The following ZNF415 variants were observed in gnomAD, a reference collection of about 807,000 sequenced individuals.
ZNF415 encodes zinc finger protein 415.
In ZNF415, 5 loss-of-function variants were observed where a neutral mutation model predicts 7.3. That is an observed-to-expected ratio of 0.69 (90% CI 0.36 to 1.44). The LOEUF is 1.44. ZNF415 is among the 40% of genes most tolerant of loss of function. ZNF415 has a pLI of 0.04. For synonymous variants in ZNF415, 207 were observed against 226.3 expected (o/e 0.91, Z 0.77); for missense variants, 628 against 664.8 (o/e 0.94, Z 0.61).
chr19:53,116,199 G>T, intron 3 of ZNF415, 114 bp downstream of exon 3: 2 of 1,241,100 alleles, frequency 1.6e-6, no homozygotes, highest in Non-Finnish European at 2.3e-6. Flanking sequence ...TCATTTCAGA[G>T]TCAACAAGGC....
In ZNF415 at chr19:53,116,079, AG is replaced by A. The variant is rs1461240628; in HGVS notation, c.136+233del. 3 of 616,802 alleles carry A rather than the reference AG, an allele frequency of 4.9e-6. No individual in the cohort carries two copies. The African/African-American group carries it at 5.6e-5, about 11-fold the overall frequency. The allele number at this position is 616,802 out of a possible 1,614,324, so 38.2% of individuals were successfully genotyped here. ...GTGAGTATTTCAGAAGTCTACCATAAGCTTTCATGGATACTTCAGCTCTGGA... is the reference window on the plus strand; with the variant it reads ...GTGAGTATTTCAGAAGTCTACCATAACTTTCATGGATACTTCAGCTCTGGA... On this transcript the variant is annotated intron_variant, in intron 3 of 3. Coordinates refer to ENST00000243643, the MANE Select transcript of ZNF415 (RefSeq NM_018355.4).
intron 2 of ZNF415, 169 bp downstream of exon 2, chr19:53,122,493 A>T (rs374160102): frequency 3.7e-5 from 58 of 1,573,038 alleles, no homozygotes; most frequent in Middle Eastern, 1.7e-4. Context: ...TCAGGGTGAG[A>T]CGGAATCTCA....
At chr19:53,126,239 C>T (rs545013526) in intron 1 of ZNF415, among the ~76,000 whole-genome samples, 1 of 151,292 alleles carries the variant, frequency 6.6e-6, no homozygotes, top group African/African-American at 2.4e-5. Flanking sequence ...TCATGGAGAC[C>T]ACTCTGCTTA....
chr19:53,114,464 G>A (rs913262551), intron 3 of ZNF415, among the ~76,000 whole-genome samples: 53 of 152,230 alleles, frequency 3.5e-4, no homozygotes, highest in African/African-American at 1.1e-3. Context: ...CACCGCACCT[G>A]GTCAAAAGTT....
chr19:53,111,579 G>A (rs1029055663), intron 3 of ZNF415, among the ~76,000 whole-genome samples: 13 of 151,952 alleles, frequency 8.6e-5, no homozygotes, highest in African/African-American at 3.1e-4. Context: ...CTGACCTCAG[G>A]TGATCTGCCC....
At chr19:53,128,207 A>G (rs976610460) in intron 1 of ZNF415, among the ~76,000 whole-genome samples, 2 of 152,138 alleles carry the variant, frequency 1.3e-5, no homozygotes, top group Admixed American at 1.3e-4. Context: ...GGACAAAAGC[A>G]GGAATGGACA....
At chr19:53,121,974 C>T (rs1397676167) in intron 2 of ZNF415, among the ~76,000 whole-genome samples, 3 of 151,954 alleles carry the variant, frequency 2.0e-5, no homozygotes, top group Admixed American at 2.0e-4. Context: ...AGGCCAGGCA[C>T]GGTGTCTCAT....
At chr19:53,114,372 T>C (rs1184260831) in intron 3 of ZNF415, among the ~76,000 whole-genome samples, 1 of 152,150 alleles carries the variant, frequency 6.6e-6, no homozygotes, top group African/African-American at 2.4e-5. Context: ...AGACGGGGTT[T>C]CACCATGTTG....
At chr19:53,120,095 G>A (rs1209552568) in intron 2 of ZNF415, among the ~76,000 whole-genome samples, 6 of 151,390 alleles carry the variant, frequency 4.0e-5, no homozygotes, top group Non-Finnish European at 8.8e-5. Context: ...ACTATAGGCC[G>A]AAATCCCTCC....
At chr19:53,116,477 G>A (rs758953289) in intron 2 of ZNF415, 44 bp from the exon 3 acceptor site, 10 of 1,612,616 alleles carry the variant, frequency 6.2e-6, no homozygotes, top group Non-Finnish European at 8.5e-6. Flanking sequence ...AGGTTATGAA[G>A]GGAGTTACCA....
Position 53,109,769 on chromosome 19 carries a change from T to G in ZNF415, c.276A>C (p.Lys92Asn). Residue 92 changes from lysine to asparagine, a missense_variant, in exon 4 of 4, where the codon AAA becomes AAC. Coordinates refer to ENST00000243643, the MANE Select transcript of ZNF415 (RefSeq NM_018355.4). ...EEFCFREIKKKIHDFDCQWRD... is the reference protein window; with the variant it reads ...EEFCFREIKKNIHDFDCQWRD... ...TCCACTGACAGTCAAAGTCGTGTAT[T>G]TTTTTCTTGATTTCCCTGAAGCAAA... The G allele has an allele frequency of 6.2e-7, 1 of 1,614,124 alleles. No individual in the cohort carries two copies. The highest frequency in any genetic ancestry group is 2.2e-5 in the East Asian group (1 of 44,870).
chr19:53,115,953 C>A, intron 3 of ZNF415: 1 of 692,672 alleles, frequency 1.4e-6, no homozygotes, highest in Admixed American at 2.6e-5. Flanking sequence ...AATTATTTCA[C>A]TGAATGCCAA....
intron 3 of ZNF415, among the ~76,000 whole-genome samples, chr19:53,113,623 G>C (rs560244199): frequency 1.1e-4 from 16 of 151,996 alleles, no homozygotes; most frequent in Non-Finnish European, 2.1e-4. Context: ...CTCCACAAGA[G>C]GGAGGTTTGA....
chr19:53,121,384 CAAAA>C (rs773591699), intron 2 of ZNF415, among the ~76,000 whole-genome samples: 18 of 80,096 alleles, frequency 2.2e-4, no homozygotes, highest in East Asian at 2.2e-3. Context: ...GACTCCGTCT[CAAAA>C]AAAAAAAAAA....
intron 2 of ZNF415, among the ~76,000 whole-genome samples, chr19:53,121,932 C>T (rs1490587508): frequency 2.6e-5 from 4 of 151,980 alleles, no homozygotes; most frequent in Admixed American, 2.6e-4. Context: ...CCAGGATTTA[C>T]CAGGTATTTG....
intron 1 of ZNF415, among the ~76,000 whole-genome samples, chr19:53,132,009 T>G (rs1482020699): frequency 6.6e-6 from 1 of 152,038 alleles, no homozygotes; most frequent in Non-Finnish European, 1.5e-5. Flanking sequence ...CTGAGGAGCC[T>G]CCTCCTTTGC....
At position 53,108,594 on chromosome 19, in the gene ZNF415, G is replaced by A. The variant is rs2085726798; in HGVS notation, c.1451C>T (p.Thr484Ile). 2 of 1,614,042 alleles carry A rather than the reference G, an allele frequency of 1.2e-6. No homozygotes were observed. Among genetic ancestry groups the A allele is most frequent in the Non-Finnish European group, 1.7e-6 (2 of 1,180,034 alleles). ...TCCAGTATGGATGACCTGATGGGTA[G>A]TTAGGCTTGAATGCACACTGAAGCC... Reference protein sequence around the residue: ...GKGFSVHSSLTTHQVIHTGEK... With the variant: ...GKGFSVHSSLITHQVIHTGEK... The change falls in exon 4 of 4, where the codon ACT becomes ATT. Residue 484 changes from threonine to isoleucine, a missense_variant. Transcript: ENST00000243643.
At chr19:53,111,617 AC>A (rs1376967356) in intron 3 of ZNF415, among the ~76,000 whole-genome samples, 1 of 152,038 alleles carries the variant, frequency 6.6e-6, no homozygotes, top group Non-Finnish European at 1.5e-5. Context: ...TGCTGGGATT[AC>A]AGGCGTGAGC....
At chr19:53,132,065 G>A (rs1601379770) in intron 1 of ZNF415, among the ~76,000 whole-genome samples, 2 of 152,062 alleles carry the variant, frequency 1.3e-5, no homozygotes, top group African/African-American at 4.8e-5. Context: ...TGGATACTGT[G>A]CTTTTTCTCG....
Sources: allele counts gnomAD v4.1 joint callset (sites outside exome capture counted in the v4.1 genomes callset), GRCh38; gene constraint gnomAD v4.1.1; transcripts MANE v1.5; gene names NCBI Gene and HGNC (gene_info 2026-07-23, HGNC 2026-07-21).